The following DNER variants were observed in gnomAD, a reference collection of about 807,000 sequenced individuals.
DNER encodes the protein delta/notch like EGF repeat containing, also known as delta and Notch-like epidermal growth factor-related receptor.
Under a neutral mutation model 78.2 loss-of-function variants are expected in DNER, and 33 were observed. The ratio of observed to expected loss-of-function variants is 0.42; its 90% confidence interval spans 0.32 to 0.56. The LOEUF is 0.56. Ranked by LOEUF, DNER falls within the 20% of genes least tolerant of loss-of-function variation. The pLI, the probability that DNER is intolerant of heterozygous loss-of-function variation, is 0.11. For missense variants in DNER, 918 were observed against 975.3 expected (o/e 0.94, Z 0.78); for synonymous variants, 417 against 384.8 (o/e 1.08, Z -0.98).
In DNER at chr2:229,543,862, T is replaced by A. The variant is rs185425541; in HGVS notation, c.993+3085A>T. Among the ~76,000 whole-genome samples the A allele has an allele frequency of 3.6e-4, 55 of 152,284 alleles. 2 individuals carry two copies. The East Asian group carries it at 9.9e-3, about 27-fold the overall frequency. ...GACAAAACTGAGTATTGATGCCTGC[T>A]CTTTCTTCCGTTACCTAACTATGCA... is the stretch of plus-strand genomic sequence containing the variant. On this transcript the variant is annotated intron_variant, in intron 5 of 12. Coordinates refer to ENST00000341772, the MANE Select transcript of DNER (RefSeq NM_139072.4).
At chr2:229,531,229 AGTATTTCCAG>A (rs1443088093) in intron 5 of DNER, among the ~76,000 whole-genome samples, 2 of 152,166 alleles carry the variant, frequency 1.3e-5, no homozygotes, top group Non-Finnish European at 2.9e-5. Flanking sequence ...AAAGCAACCC[AGTATTTCCAG>A]GAGTGCTGCT....
Position 229,644,313 on chromosome 2 carries a change from A to G in DNER, c.277-52425T>C, listed in dbSNP as rs182806446. On this transcript the variant is annotated intron_variant, in intron 1 of 12. Coordinates refer to ENST00000341772, the MANE Select transcript of DNER (RefSeq NM_139072.4). ...CTTAAATACCCTCCATCCATCAAGT[A>G]TGATGACTGTCTTGCTTTCTCTTTT... Among the ~76,000 whole-genome samples, 271 of 140,424 alleles carry G rather than the reference A, an allele frequency of 1.9e-3. 1 individual carries two copies. Among genetic ancestry groups the G allele is most frequent in the East Asian group, 5.2e-3 (24 of 4,618 alleles). 92.1% of individuals were successfully genotyped at this position (140,424 alleles called of 152,430 possible). A position where few individuals can be genotyped will look rare whatever the true frequency, so the allele number is the denominator to read the frequency against.
chr2:229,665,717 T>TG (rs201178888), intron 1 of DNER, among the ~76,000 whole-genome samples: 7,048 of 152,242 alleles, frequency 0.046, 247 homozygotes, highest in Middle Eastern at 0.095. Flanking sequence ...CAAACTAAAA[T>TG]GGGGCCTAAT....
intron 4 of DNER, among the ~76,000 whole-genome samples, chr2:229,561,660 G>A (rs1281099542): frequency 6.6e-6 from 1 of 152,046 alleles, no homozygotes; most frequent in African/African-American, 2.4e-5. Context: ...CTACATTTCT[G>A]TTTAATATTT....
chr2:229,435,010 T>C (rs1694091821), intron 8 of DNER, among the ~76,000 whole-genome samples: 1 of 151,800 alleles, frequency 6.6e-6, no homozygotes, highest in Non-Finnish European at 1.5e-5. Context: ...TTTAAGGTTA[T>C]GGTAGATTGA....
chr2:229,645,386 A>G (rs544331247), intron 1 of DNER, among the ~76,000 whole-genome samples: 1 of 152,350 alleles, frequency 6.6e-6, no homozygotes, highest in Non-Finnish European at 1.5e-5. Flanking sequence ...GTCATAGTTA[A>G]TAGGTGAACA....
chr2:229,633,144 C>CA (rs1698457761), intron 1 of DNER, among the ~76,000 whole-genome samples: 1 of 152,008 alleles, frequency 6.6e-6, no homozygotes, highest in South Asian at 2.1e-4. Context: ...AGCTGAATGT[C>CA]AAAAAATGTC....
chr2:229,553,838 C>T (rs1048165116), intron 4 of DNER, among the ~76,000 whole-genome samples: 4 of 152,182 alleles, frequency 2.6e-5, no homozygotes, highest in African/African-American at 9.6e-5. Flanking sequence ...AATCCCATCA[C>T]TGAGGCTATG....
At chr2:229,564,568 T>C (rs868135377) in intron 4 of DNER, among the ~76,000 whole-genome samples, 18 of 149,442 alleles carry the variant, frequency 1.2e-4, no homozygotes, top group Middle Eastern at 3.5e-3. Flanking sequence ...ACCATCATCA[T>C]CAACATCATC....
Position 229,615,280 on chromosome 2 carries a change from A to T in DNER, c.277-23392T>A, listed in dbSNP as rs111614285. The stretch of plus-strand genomic sequence containing the variant: ...TACAAAATTAGCCAGGCGTGGTGGC[A>T]CATGCCTGTAATCCCAGCTACTCGG... On this transcript the variant is annotated intron_variant, in intron 1 of 12. Transcript: ENST00000341772. Among the ~76,000 whole-genome samples the T allele has an allele frequency of 3.3e-4, 50 of 151,990 alleles. 1 individual carries two copies. In the East Asian group the frequency reaches 9.3e-3, roughly 28 times the overall value.
intron 7 of DNER, among the ~76,000 whole-genome samples, chr2:229,460,715 T>C (rs751880653): frequency 5.9e-5 from 9 of 152,134 alleles, no homozygotes; most frequent in Admixed American, 5.9e-4. Flanking sequence ...CGTTGGTTGA[T>C]TGGTGGCTCT....
intron 9 of DNER, among the ~76,000 whole-genome samples, chr2:229,407,671 G>A (rs141695024): frequency 0.011 from 1,661 of 152,212 alleles, 13 homozygotes; most frequent in Non-Finnish European, 0.016. Context: ...TGCTTTATAA[G>A]TCTCCAAAAG....
intron 8 of DNER, among the ~76,000 whole-genome samples, chr2:229,431,457 A>C (rs1164559983): frequency 6.6e-6 from 1 of 152,136 alleles, no homozygotes; most frequent in Non-Finnish European, 1.5e-5. Flanking sequence ...ACTAGGTTAC[A>C]AACTAGTCAC....
intron 12 of DNER, among the ~76,000 whole-genome samples, chr2:229,365,600 C>T (rs2106325816): frequency 6.6e-6 from 1 of 152,224 alleles, no homozygotes; most frequent in African/African-American, 2.4e-5. Context: ...CCATGCCTGG[C>T]TAATTTTTGT....
chr2:229,473,767 A>G (rs1326251203), intron 7 of DNER, among the ~76,000 whole-genome samples: 2 of 152,160 alleles, frequency 1.3e-5, no homozygotes, highest in African/African-American at 2.4e-5. Flanking sequence ...AAAACCTACA[A>G]TGGAGAAATG....
chr2:229,399,400 T>C (rs1242725615), intron 10 of DNER, among the ~76,000 whole-genome samples: 2 of 151,852 alleles, frequency 1.3e-5, no homozygotes, highest in Non-Finnish European at 2.9e-5. Context: ...ATCAAAGATC[T>C]AAATAAGTGG....
chr2:229,512,052 G>GTA (rs1695872804), intron 6 of DNER, among the ~76,000 whole-genome samples: 4 of 152,212 alleles, frequency 2.6e-5, no homozygotes, highest in East Asian at 3.9e-4. Context: ...AGAAACTGTG[G>GTA]TATATATATA....
chr2:229,418,305 G>A (rs1693692868), intron 8 of DNER, 75 bp from the exon 9 acceptor site: 1 of 1,587,902 alleles, frequency 6.3e-7, no homozygotes, highest in Non-Finnish European at 8.6e-7. Context: ...CTGCAAGGAA[G>A]GCAGTTGGGG....
At chr2:229,527,925 G>A (rs1266230332) in intron 5 of DNER, among the ~76,000 whole-genome samples, 1 of 152,178 alleles carries the variant, frequency 6.6e-6, no homozygotes, top group Admixed American at 6.5e-5. Context: ...GCTGAGTAGA[G>A]CTTCAAAGCA....
Sources: allele counts gnomAD v4.1 joint callset (sites outside exome capture counted in the v4.1 genomes callset), GRCh38; gene constraint gnomAD v4.1.1; transcripts MANE v1.5; gene names NCBI Gene and HGNC (gene_info 2026-07-23, HGNC 2026-07-21).